The following ZBED6 variants were observed in gnomAD, a reference collection of about 807,000 sequenced individuals.
The protein encoded by ZBED6 is zinc finger BED domain-containing protein 6.
Under a neutral mutation model 58.4 loss-of-function variants are expected in ZBED6, and 40 were observed. The ratio of observed to expected loss-of-function variants is 0.68; its 90% CI spans 0.53 to 0.89. The LOEUF (loss-of-function observed/expected upper bound fraction) is 0.89. ZBED6 is among the 40% of genes least tolerant of loss of function. The pLI is 0.00. For synonymous variants in ZBED6, 439 were observed against 350.6 expected (o/e 1.25, Z -2.82); for missense variants, 1,057 against 1,003.9 (o/e 1.05, Z -0.71).
intron 3 of ZBED6, among the ~76,000 whole-genome samples, chr1:203,820,817 T>A (rs1367207830): frequency 6.6e-6 from 1 of 152,140 alleles, no homozygotes; most frequent in African/African-American, 2.4e-5. Flanking sequence ...GCACACAGTT[T>A]TAATTTTCTC....
intron 8 of ZBED6, 40 bp downstream of exon 8, chr1:203,831,811 T>A (rs1438591082): frequency 1.3e-6 from 2 of 1,504,586 alleles, no homozygotes; most frequent in Admixed American, 2.0e-5. Flanking sequence ...AAGCCTCTAC[T>A]TTTATATAAT....
At chr1:203,806,759 T>C (rs1571953352) in intron 1 of ZBED6, among the ~76,000 whole-genome samples, 1 of 152,036 alleles carries the variant, frequency 6.6e-6, no homozygotes. Flanking sequence ...CTGGTGATTA[T>C]GTGCATTTAT....
intron 11 of ZBED6, among the ~76,000 whole-genome samples, chr1:203,843,029 A>T (rs1406694094): frequency 6.6e-6 from 1 of 151,406 alleles, no homozygotes. Flanking sequence ...GTTACTTTTT[A>T]TCCCCCATCC....
At chr1:203,834,091 AT>A in intron 9 of ZBED6, 3 of 1,182,156 alleles carry the variant, frequency 2.5e-6, no homozygotes, top group Non-Finnish European at 3.1e-6. Flanking sequence ...AAGGAACTAG[AT>A]TTTAAAAATG....
intron 1 of ZBED6, among the ~76,000 whole-genome samples, chr1:203,803,403 C>G (rs934424697): frequency 6.6e-6 from 1 of 152,118 alleles, no homozygotes; most frequent in Admixed American, 6.5e-5. Flanking sequence ...CTTGGCCAGG[C>G]TGGTCTGGAA....
At chr1:203,800,067 G>A (rs1343356182) in exon 1 of ZBED6, 2 of 1,535,978 alleles carry the variant, frequency 1.3e-6, no homozygotes, top group Non-Finnish European at 1.7e-6. Flanking sequence ...CTCAGCTGTA[G>A]ACAATGTTGC....
At chr1:203,829,237 C>T in intron 4 of ZBED6, 1 of 587,224 alleles carries the variant, frequency 1.7e-6, no homozygotes, top group Non-Finnish European at 3.0e-6. Flanking sequence ...TTTGAGTGCC[C>T]ACTTTGTGTT....
At position 203,820,174 on chromosome 1, in the gene ZBED6, G is replaced by T. The variant is rs531984003; in HGVS notation, c.*2873+1485G>T. 4.0e-5 allele frequency among the ~76,000 whole-genome samples: 6 copies of T among 151,546 alleles called. No individual in the cohort carries two copies. In the South Asian group the frequency reaches 1.0e-3, roughly 26 times the overall value. ...CGCTTGAACCTGGGAGGCGGAGGTT[G>T]CACTGAGCTGAGATTGCGCCACTCC... is the stretch of plus-strand genomic sequence containing the variant. On this transcript the variant is annotated intron_variant, in intron 3 of 16. Transcript: ENST00000550078.
chr1:203,811,403 A>G (rs1406615876), intron 1 of ZBED6, among the ~76,000 whole-genome samples: 1 of 152,204 alleles, frequency 6.6e-6, no homozygotes, highest in African/African-American at 2.4e-5. Context: ...TCATTGTTTC[A>G]ATTACTTTGT....
At chr1:203,806,069 C>T in intron 1 of ZBED6, 1 of 511,170 alleles carries the variant, frequency 2.0e-6, no homozygotes, top group Non-Finnish European at 3.8e-6. Context: ...TGTTTTAAAA[C>T]TCGCAAGGCT....
chr1:203,819,261 G>A (rs935983798), intron 3 of ZBED6, among the ~76,000 whole-genome samples: 11 of 136,530 alleles, frequency 8.1e-5, no homozygotes, highest in African/African-American at 3.1e-4. Flanking sequence ...TCACTCTGTC[G>A]CCCACGCTGG....
chr1:203,818,962 G>C (rs1192747805), intron 3 of ZBED6, among the ~76,000 whole-genome samples: 1 of 151,318 alleles, frequency 6.6e-6, no homozygotes, highest in Non-Finnish European at 1.5e-5. Context: ...CCAGCTACTC[G>C]GGAGGCTGAG....
exon 17 of ZBED6, chr1:203,853,308 T>C (rs1689637716): frequency 6.6e-6 from 1 of 152,634 alleles, no homozygotes; most frequent in African/African-American, 2.4e-5. Context: ...TTTAACCACC[T>C]GAGGGAAAAA....
At chr1:203,799,514 A>C (rs1669860319) in exon 1 of ZBED6, 1 of 703,042 alleles carries the variant, frequency 1.4e-6, no homozygotes, top group African/African-American at 1.7e-5. Flanking sequence ...ATTGCTACTC[A>C]GTTCACCATA....
At chr1:203,850,737 A>C in intron 15 of ZBED6, 56 bp downstream of exon 15, 1 of 1,573,872 alleles carries the variant, frequency 6.4e-7, no homozygotes, top group Non-Finnish European at 8.6e-7. Context: ...AAAGCAGGAA[A>C]GACTAACTCT....
Position 203,798,965 on chromosome 1 carries a change from C to G in ZBED6, c.1443C>G (p.His481Gln), listed in dbSNP as rs910027183. The G allele has an allele frequency of 1.3e-6, 2 of 1,536,074 alleles. No individual in the cohort carries two copies. The highest frequency in any genetic ancestry group is 3.9e-5 in the Admixed American group (2 of 50,998). The change falls in exon 1 of 17, where the codon CAC becomes CAG. Residue 481 changes from histidine (H) to glutamine (Q), a missense_variant. His to Gln is a conservative substitution (Grantham distance 24). Coordinates refer to ENST00000550078, the Ensembl canonical transcript of ZBED6. Reference sequence around the variant, plus strand: ...AGAATGTTCAAAGCCAAAAGATACACCTGACTGTTGACATATGGACCCATG... The same window carrying G: ...AGAATGTTCAAAGCCAAAAGATACAGCTGACTGTTGACATATGGACCCATG...
At chr1:203,803,162 T>C (rs939466604) in intron 1 of ZBED6, 146 bp downstream of exon 1, 6 of 152,196 alleles carry the variant, frequency 3.9e-5, no homozygotes, top group Non-Finnish European at 7.3e-5. Flanking sequence ...TTTTTAGTTT[T>C]GGGATGGAAA....
intron 3 of ZBED6, among the ~76,000 whole-genome samples, chr1:203,823,613 C>T (rs1229355453): frequency 6.6e-6 from 1 of 152,202 alleles, no homozygotes; most frequent in Non-Finnish European, 1.5e-5. Context: ...CAAGAGCAAG[C>T]CTTGCAAGCA....
At chr1:203,798,881 C>T (rs1384035836) in exon 1 of ZBED6, 1 of 1,535,974 alleles carries the variant, frequency 6.5e-7, no homozygotes, top group African/African-American at 1.4e-5. Context: ...CTTACTTTTT[C>T]ACTAAGGCTG....
Sources: gnomAD v4.1 joint callset for allele counts (sites outside exome capture counted in the v4.1 genomes callset) on GRCh38, gnomAD v4.1.1 for gene constraint, MANE v1.5 for transcripts, NCBI Gene and HGNC (gene_info 2026-07-23, HGNC 2026-07-21) for gene names.